Variants in NBEA observed in about 807,000 individuals in gnomAD.
NBEA encodes neurobeachin, also known as lysosomal-trafficking regulator 2.
NBEA carries 44 observed loss-of-function variants against 343.4 expected under a neutral mutation model. The observed-to-expected ratio is 0.13, with a 90% CI of 0.10 to 0.16. NBEA has a LOEUF of 0.16. Among genes scored for constraint, NBEA ranks in the 10% least tolerant of loss-of-function variants. NBEA has a pLI of 1.00. For synonymous variants in NBEA, 1,175 were observed against 1,238.7 expected, an observed-to-expected ratio of 0.95 and a Z score of 1.08; for missense variants, 2,555 against 3,631.3, an observed-to-expected ratio of 0.70 and a Z score of 7.62.
At chr13:34,960,980 T>C (rs1468600781) in intron 1 of NBEA, among the ~76,000 whole-genome samples, 1 of 152,034 alleles carries the variant, frequency 6.6e-6, no homozygotes, top group Non-Finnish European at 1.5e-5. Context: ...CCCAATTACA[T>C]TGAAAAATTA....
rs147043103 is a variant in NBEA at position 35,626,613 on chromosome 13, T to A, written c.7450-1468T>A. 9.9e-3 allele frequency among the ~76,000 whole-genome samples: 1,509 copies of A among 152,336 alleles called. 21 individuals carry two copies. Among genetic ancestry groups the A allele is most frequent in the African/African-American group, 0.034 (1,429 of 41,596 alleles). On this transcript the variant is annotated intron_variant, in intron 48 of 58. Transcript: ENST00000379939. ...CAATAATGAACCTCTATTTACTCATTTTTTAAATCCCTTCATTTATTGCAT... is the reference window on the plus strand; with the variant it reads ...CAATAATGAACCTCTATTTACTCATATTTTAAATCCCTTCATTTATTGCAT...
At chr13:35,158,045 T>G (rs878922129) in intron 21 of NBEA, among the ~76,000 whole-genome samples, 1 of 152,140 alleles carries the variant, frequency 6.6e-6, no homozygotes, top group Admixed American at 6.6e-5. Context: ...TGCCGTTCAG[T>G]GTGAAAGACA....
intron 48 of NBEA, among the ~76,000 whole-genome samples, chr13:35,626,576 G>A (rs2083240355): frequency 6.6e-6 from 1 of 152,100 alleles, no homozygotes; most frequent in African/African-American, 2.4e-5. Flanking sequence ...ATAGACTTGA[G>A]CAGTAGTTAC....
chr13:35,407,321 C>G (rs1344367867), intron 38 of NBEA, among the ~76,000 whole-genome samples: 1 of 151,872 alleles, frequency 6.6e-6, no homozygotes. Context: ...ACTATAAAAC[C>G]ACTTTATTCC....
chr13:35,448,750 C>A (rs1420375108), intron 39 of NBEA, among the ~76,000 whole-genome samples: 4 of 151,974 alleles, frequency 2.6e-5, no homozygotes, highest in Non-Finnish European at 2.9e-5. Context: ...CTTAAGAAAT[C>A]AGAGAAGGGA....
intron 57 of NBEA, among the ~76,000 whole-genome samples, 188 bp from the exon 58 acceptor site, chr13:35,668,180 G>A (rs181612456): frequency 3.9e-5 from 6 of 152,292 alleles, no homozygotes; most frequent in Admixed American, 3.9e-4. Flanking sequence ...TTCCACAATG[G>A]AAATTCTGTG....
chr13:35,045,009 C>A lies in NBEA; in HGVS notation c.589C>A (p.Leu197Ile), dbSNP rs777976836. Residue 197 changes from leucine to isoleucine, a missense_variant, in exon 3 of 59, where the codon CTT becomes ATT. By Grantham distance (5) the Leu-to-Ile change is conservative (BLOSUM62 2). Transcript: ENST00000379939. ...CAGCATCACTGTCAAGGAGTTGAAG[C>A]TTTTGTTCAGCATGCTTCGAGGAGA... ...SYSITVKELK[L>I]LFSMLRGESG... 2 of 1,611,688 alleles carry A rather than the reference C, an allele frequency of 1.2e-6. No individual in the cohort carries two copies. Among genetic ancestry groups the A allele is most frequent in the Non-Finnish European group, 1.7e-6 (2 of 1,178,884 alleles).
chr13:35,125,803 A>T (rs929392482), intron 17 of NBEA, among the ~76,000 whole-genome samples: 2 of 152,056 alleles, frequency 1.3e-5, no homozygotes, highest in South Asian at 4.1e-4. Context: ...TAAAAATTTC[A>T]TAAGTTAAAA....
Position 35,157,278 on chromosome 13 carries a change from G to A in NBEA, c.2844+8G>A, listed in dbSNP as rs753151715. On this transcript the variant is annotated splice_region_variant and intron_variant, in intron 21 of 58. Coordinates refer to ENST00000379939, the MANE Select transcript of NBEA (RefSeq NM_001385012.1). ...TCAATAGCCCATTCCAAGGTAACAC[G>A]GGATTTAACATTTTAACATCATCAG... is the stretch of plus-strand genomic sequence containing the variant. 6 of 1,516,430 alleles carry A rather than the reference G, an allele frequency of 4.0e-6. No individual in the cohort carries two copies. Among genetic ancestry groups the A allele is most frequent in the East Asian group, 2.4e-5 (1 of 42,138 alleles). 93.9% of individuals were successfully genotyped at this position (1,516,430 alleles called of 1,614,324 possible).
intron 38 of NBEA, among the ~76,000 whole-genome samples, chr13:35,386,259 G>A (rs1051246990): frequency 2.6e-5 from 4 of 151,990 alleles, no homozygotes; most frequent in African/African-American, 9.7e-5. Context: ...AAAATATATT[G>A]ATGTTCTACT....
intron 56 of NBEA, among the ~76,000 whole-genome samples, chr13:35,665,908 G>A (rs1481935881): frequency 5.9e-5 from 9 of 152,196 alleles, no homozygotes; most frequent in Admixed American, 1.3e-4. Flanking sequence ...GATTACAGGC[G>A]TGAGCCACCA....
intron 38 of NBEA, among the ~76,000 whole-genome samples, chr13:35,427,267 T>C (rs1485652781): frequency 6.6e-6 from 1 of 152,200 alleles, no homozygotes; most frequent in Non-Finnish European, 1.5e-5. Context: ...TGTGGTTTTA[T>C]CTACCTTTGG....
intron 1 of NBEA, among the ~76,000 whole-genome samples, chr13:35,010,593 A>AC (rs913651661): frequency 6.7e-6 from 1 of 148,818 alleles, no homozygotes; most frequent in Admixed American, 6.7e-5. Context: ...AAAAAAAAAA[A>AC]ATAGATGGGC....
At chr13:35,360,415 T>A (rs982883791) in intron 38 of NBEA, among the ~76,000 whole-genome samples, 1 of 151,946 alleles carries the variant, frequency 6.6e-6, no homozygotes, top group Non-Finnish European at 1.5e-5. Flanking sequence ...AAAGAGGAAG[T>A]TAACATGATC....
chr13:35,470,769 G>A (rs1341722368), intron 40 of NBEA, among the ~76,000 whole-genome samples: 1 of 152,230 alleles, frequency 6.6e-6, no homozygotes, highest in Non-Finnish European at 1.5e-5. Context: ...AGGAGGCGCC[G>A]CCAAGCGCGC....
Position 35,651,959 on chromosome 13 carries a change from A to G in NBEA, c.8035+83A>G, listed in dbSNP as rs2084544138. ...TTATTTTTCATAAGATAGTTGAACA[A>G]TATTTTTTCTACCACAAGATTAAAA... On this transcript the variant is annotated intron_variant, in intron 53 of 58. Coordinates refer to ENST00000379939, the MANE Select transcript of NBEA (RefSeq NM_001385012.1). 11 of 806,504 alleles carry G rather than the reference A, an allele frequency of 1.4e-5. No homozygotes were observed. In the South Asian group the frequency reaches 1.8e-4, roughly 13 times the overall value. The allele number at this position is 806,504 out of a possible 1,614,324, so 50.0% of individuals were successfully genotyped here.
chr13:35,464,121 GA>G (rs527298073), intron 40 of NBEA, among the ~76,000 whole-genome samples: 9 of 150,506 alleles, frequency 6.0e-5, no homozygotes, highest in Non-Finnish European at 7.4e-5. Flanking sequence ...AACTTTTCTA[GA>G]AAAAAAAATC....
At chr13:35,378,664 G>T (rs2041864390) in intron 38 of NBEA, among the ~76,000 whole-genome samples, 1 of 151,788 alleles carries the variant, frequency 6.6e-6, no homozygotes, top group Middle Eastern at 3.4e-3. Context: ...TTATATTAAA[G>T]TATACATACA....
At chr13:35,606,948 C>T (rs1360050861) in intron 48 of NBEA, among the ~76,000 whole-genome samples, 1 of 152,130 alleles carries the variant, frequency 6.6e-6, no homozygotes, top group Non-Finnish European at 1.5e-5. Context: ...CTTATAAAAA[C>T]ACTCAGAACA....
Sources: allele counts gnomAD v4.1 joint callset (sites outside exome capture counted in the v4.1 genomes callset), GRCh38; gene constraint gnomAD v4.1.1; transcripts MANE v1.5; gene names NCBI Gene and HGNC (gene_info 2026-07-23, HGNC 2026-07-21).